SP100: variants seen among roughly 807,000 people sequenced by gnomAD.
The protein encoded by SP100 is nuclear autoantigen Sp-100.
SP100 carries 84 observed loss-of-function variants against 130.0 expected under a neutral mutation model. That is an observed-to-expected ratio of 0.65 (90% confidence interval 0.54 to 0.77). The LOEUF (loss-of-function observed/expected upper bound fraction) is 0.77, where lower values mean the gene tolerates loss of function less well. Among genes scored for constraint, SP100 ranks in the 30% least tolerant of loss-of-function variants. The pLI, the probability that SP100 is intolerant of heterozygous loss-of-function variation, is 0.00. For missense variants in SP100, 978 were observed against 1,052.2 expected (o/e 0.93, Z 0.97); for synonymous variants, 331 against 351.7 (o/e 0.94, Z 0.66).
intron 2 of SP100, among the ~76,000 whole-genome samples, chr2:230,436,027 G>T (rs1019773899): frequency 1.3e-5 from 2 of 151,910 alleles, no homozygotes; most frequent in Middle Eastern, 3.2e-3. Context: ...TTTCAATGGG[G>T]TTCCAGGTTG....
chr2:230,535,164 C>G (rs1691875206), intron 24 of SP100, among the ~76,000 whole-genome samples: 1 of 151,206 alleles, frequency 6.6e-6, no homozygotes, highest in South Asian at 2.1e-4. Flanking sequence ...CCACTGCACT[C>G]TAGCCTGGGC....
intron 10 of SP100, chr2:230,463,486 T>C (rs569227843): frequency 1.3e-5 from 2 of 152,400 alleles, no homozygotes; most frequent in Admixed American, 6.5e-5. Context: ...GAACCTCATC[T>C]TGATGTTATA....
At chr2:230,515,218 G>T in intron 24 of SP100, 2 of 1,613,652 alleles carry the variant, frequency 1.2e-6, no homozygotes. Context: ...TATGGCAAAG[G>T]CGGACAAGGC....
chr2:230,522,591 C>T (rs1421836282), intron 24 of SP100, among the ~76,000 whole-genome samples: 3 of 144,072 alleles, frequency 2.1e-5, no homozygotes, highest in South Asian at 2.3e-4. Context: ...TGGGTTCAAG[C>T]GATTCTCCTG....
At chr2:230,542,814 GT>G in intron 28 of SP100, 21 bp from the exon 29 acceptor site, 4 of 1,472,682 alleles carry the variant, frequency 2.7e-6, no homozygotes, top group East Asian at 4.5e-5. Flanking sequence ...CTGCTATATT[GT>G]TTTTTTCTTT....
chr2:230,507,101 G>T (rs1315881636), intron 22 of SP100: 1 of 152,030 alleles, frequency 6.6e-6, no homozygotes, highest in Non-Finnish European at 1.5e-5. Context: ...AAAAAAATCT[G>T]CCAGGCACAG....
rs1175325458 is a variant in SP100 at position 230,446,902 on chromosome 2, G to A, written c.523G>A (p.Gly175Arg). The A allele has an allele frequency of 6.3e-7, 1 of 1,593,526 alleles. No individual in the cohort carries two copies. The highest frequency in any genetic ancestry group is 8.6e-7 in the Non-Finnish European group (1 of 1,163,412). Residue 175 changes from glycine (G) to arginine (R), a missense_variant and splice_region_variant, in exon 5 of 29, where the codon GGA (glycine) becomes AGA (arginine). Gly to Arg is a moderately radical substitution (Grantham distance 125). Transcript: ENST00000340126. ...RSGLQLSLEQGTGENSFRSLT... is the reference protein window; with the variant it reads ...RSGLQLSLEQRTGENSFRSLT... ...TGGCCTCCAACTAAGTCTTGAACAA[G>A]GTAAAAATGACAGAATAAAAGCTTT...
chr2:230,486,690 C>T (rs925747380), intron 17 of SP100, among the ~76,000 whole-genome samples: 1 of 152,194 alleles, frequency 6.6e-6, no homozygotes, highest in African/African-American at 2.4e-5. Context: ...TGGGTATATA[C>T]CCAGTAATGG....
chr2:230,541,238 C>G, intron 26 of SP100, 63 bp from the exon 27 acceptor site: 1 of 1,476,502 alleles, frequency 6.8e-7, no homozygotes, highest in Non-Finnish European at 9.4e-7. Context: ...TCTCTTTGGG[C>G]AAGCATATGA....
At chr2:230,502,826 G>T (rs186115625) in intron 19 of SP100, among the ~76,000 whole-genome samples, 2 of 152,126 alleles carry the variant, frequency 1.3e-5, no homozygotes, top group African/African-American at 4.8e-5. Flanking sequence ...CACAGTCACC[G>T]TCGCATCCTT....
intron 17 of SP100, among the ~76,000 whole-genome samples, chr2:230,490,722 G>A (rs983556817): frequency 2.0e-5 from 3 of 152,130 alleles, no homozygotes; most frequent in African/African-American, 7.2e-5. Context: ...GTCTGAAAAG[G>A]ATTTTATTCC....
chr2:230,484,167 G>T (rs1472208601), intron 17 of SP100, among the ~76,000 whole-genome samples: 1 of 152,186 alleles, frequency 6.6e-6, no homozygotes, highest in Non-Finnish European at 1.5e-5. Flanking sequence ...GCACTAAATA[G>T]ACCACAAACG....
chr2:230,421,009 C>T (rs1194684091), intron 2 of SP100, among the ~76,000 whole-genome samples: 1 of 152,176 alleles, frequency 6.6e-6, no homozygotes, highest in Non-Finnish European at 1.5e-5. Flanking sequence ...TCTCATAATA[C>T]ATCACAGTTG....
chr2:230,428,965 G>T (rs55900888), intron 2 of SP100, among the ~76,000 whole-genome samples: 17,653 of 152,148 alleles, frequency 0.12, 1,137 homozygotes, highest in African/African-American at 0.17. Flanking sequence ...TTTTATACCA[G>T]AATTGAAAGT....
intron 11 of SP100, among the ~76,000 whole-genome samples, chr2:230,466,044 GC>G (rs527851961): frequency 1.3e-5 from 2 of 151,840 alleles, no homozygotes; most frequent in Non-Finnish European, 2.9e-5. Flanking sequence ...AATTAGCCGG[GC>G]TTGGTGGTGC....
intron 17 of SP100, among the ~76,000 whole-genome samples, chr2:230,485,282 A>G (rs1174514610): frequency 6.6e-6 from 1 of 151,938 alleles, no homozygotes; most frequent in Non-Finnish European, 1.5e-5. Context: ...TGGGCACTAT[A>G]TTAACAGTCT....
intron 9 of SP100, among the ~76,000 whole-genome samples, chr2:230,461,664 G>T (rs186028821): frequency 1.3e-5 from 2 of 152,204 alleles, no homozygotes; most frequent in African/African-American, 4.8e-5. Context: ...TGAAGTCAGA[G>T]AGGGCTGGGC....
At chr2:230,435,984 C>A (rs2063252698) in intron 2 of SP100, among the ~76,000 whole-genome samples, 1 of 152,150 alleles carries the variant, frequency 6.6e-6, no homozygotes, top group South Asian at 2.1e-4. Flanking sequence ...GGCCATTATC[C>A]TTAGCAAACT....
At chr2:230,482,403 CT>C (rs2065876293) in intron 17 of SP100, among the ~76,000 whole-genome samples, 2 of 152,120 alleles carry the variant, frequency 1.3e-5, no homozygotes, top group South Asian at 4.1e-4. Flanking sequence ...GCCCAATTGG[CT>C]TCCCTTCTCA....
Sources: allele counts gnomAD v4.1 joint callset (sites outside exome capture counted in the v4.1 genomes callset), GRCh38; gene constraint gnomAD v4.1.1; transcripts MANE v1.5; gene names NCBI Gene and HGNC (gene_info 2026-07-23, HGNC 2026-07-21).